The following GBP6 variants were observed in gnomAD, a reference collection of about 807,000 sequenced individuals.
GBP6 encodes guanylate binding protein family member 6.
In GBP6, 54 loss-of-function variants were observed where a neutral mutation model predicts 61.5. The observed-to-expected ratio is 0.88, with a 90% CI of 0.71 to 1.10. GBP6 has a LOEUF of 1.10. GBP6 is among the 50% of genes least tolerant of loss of function. The probability of loss-of-function intolerance (pLI) is 0.00; values close to 1 mark genes in which losing one functional copy is unlikely to be tolerated. For missense variants in GBP6, 748 were observed against 752.8 expected (o/e 0.99, Z 0.07); for synonymous variants, 255 against 273.7 (o/e 0.93, Z 0.67).
Position 89,378,473 on chromosome 1 carries a change from G to A in GBP6, c.485G>A (p.Gly162Glu), listed in dbSNP as rs1652869120. The A allele has an allele frequency of 6.2e-7, 1 of 1,614,162 alleles. No individual in the cohort carries two copies. Among genetic ancestry groups the A allele is most frequent in the Non-Finnish European group, 8.5e-7 (1 of 1,180,006 alleles). The stretch of plus-strand genomic sequence containing the variant: ...GCAAAGTCCTCCCCAAGGCCTGATG[G>A]AGTAGAAGATTCCACAGAGTTTGTG... ...IKAKSSPRPD[G>E]VEDSTEFVSF... is the part of the protein sequence containing the mutation. Residue 162 changes from glycine (G) to glutamate (E), a missense_variant, in exon 5 of 11, where the codon GGA becomes GAA. Physicochemically the swap from Gly to Glu is moderately conservative, Grantham distance 98. Transcript: ENST00000370456.
intron 5 of GBP6, among the ~76,000 whole-genome samples, chr1:89,379,827 A>G (rs1652913287): frequency 6.6e-6 from 1 of 152,258 alleles, no homozygotes; most frequent in Admixed American, 6.5e-5. Flanking sequence ...TTTATAAAGA[A>G]GTGATGATTA....
Position 89,387,582 on chromosome 1 carries a change from T to G in GBP6, c.*2113T>G, listed in dbSNP as rs569133663. On this transcript the variant is annotated 3_prime_UTR_variant, in exon 11 of 11. Coordinates refer to ENST00000370456, the MANE Select transcript of GBP6 (RefSeq NM_198460.3). ...TAAAATATCATGAACTTTCCAGAGA[T>G]CAGTGGTAATAAGTTGTTTGAATTT... is the stretch of plus-strand genomic sequence containing the variant. Among the ~76,000 whole-genome samples, 5 of 152,162 alleles carry G rather than the reference T, an allele frequency of 3.3e-5. No homozygotes were observed. The highest frequency in any genetic ancestry group is 6.5e-5 in the Admixed American group (1 of 15,270).
Position 89,368,722 on chromosome 1 carries a change from T to C in GBP6, c.171T>C (p.His57=). Residue 57 remains histidine (H), a synonymous_variant, in exon 2 of 11, where the codon CAT becomes CAC. Transcript: ENST00000370456. Reference sequence around the variant, plus strand: ...CAGGGAAATCCTACTTGATGAACCATCTGGCAGGACAGAATCATGGTAAGT... The same window carrying C: ...CAGGGAAATCCTACTTGATGAACCACCTGGCAGGACAGAATCATGGTAAGT... The part of the protein sequence containing the change: ...YRTGKSYLMN[H]LAGQNHGFPL... The C allele has an allele frequency of 6.2e-7, 1 of 1,613,404 alleles. No homozygotes were observed. Among genetic ancestry groups the C allele is most frequent in the Non-Finnish European group, 8.5e-7 (1 of 1,179,502 alleles).
intron 6 of GBP6, 73 bp from the exon 7 acceptor site, chr1:89,381,621 C>T (rs902968289): frequency 2.4e-5 from 36 of 1,489,416 alleles, no homozygotes; most frequent in Non-Finnish European, 3.2e-5. Flanking sequence ...CATGTGTGTG[C>T]TCAGAAATGT....
rs546571080 is a variant in GBP6 at position 89,386,996 on chromosome 1, G to C, written c.*1527G>C. ...GACCAGCCATAGGGTTAAATGGGAT[G>C]GGGAGAAAACAATCAAGTGAAGTAA... is the stretch of plus-strand genomic sequence containing the variant. On this transcript the variant is annotated 3_prime_UTR_variant, in exon 11 of 11. Transcript: ENST00000370456. 3.9e-5 allele frequency among the ~76,000 whole-genome samples: 6 copies of C among 152,248 alleles called. No individual in the cohort carries two copies. In the East Asian group the frequency reaches 9.6e-4, roughly 24 times the overall value.
chr1:89,384,145 G>C lies in GBP6; in HGVS notation c.1521G>C (p.Gln507His). ...AAEKEQELLK[Q>H]KLQEQQQQME... Reference sequence around the variant, plus strand: ...AGAAGGAACAGGAACTTTTAAAACAGAAATTACAGGAGCAGCAGCAACAGA... The same window carrying C: ...AGAAGGAACAGGAACTTTTAAAACACAAATTACAGGAGCAGCAGCAACAGA... Residue 507 changes from glutamine to histidine, a missense_variant, in exon 10 of 11, where the codon CAG (glutamine) becomes CAC (histidine). By Grantham distance (24) the Gln-to-His change is conservative. Transcript: ENST00000370456. 6.2e-7 allele frequency: 1 copy of C among 1,614,132 alleles called. No individual in the cohort carries two copies.
At chr1:89,372,983 C>G (rs371650753) in intron 3 of GBP6, among the ~76,000 whole-genome samples, 2 of 152,118 alleles carry the variant, frequency 1.3e-5, no homozygotes, top group South Asian at 2.1e-4. Flanking sequence ...AAACAAACAA[C>G]CCCATCAAAA....
chr1:89,366,530 T>C (rs72967243), intron 1 of GBP6, among the ~76,000 whole-genome samples: 4,381 of 152,228 alleles, frequency 0.029, 234 homozygotes, highest in African/African-American at 0.1. Flanking sequence ...TTTCAGTATA[T>C]GATGATCATT....
intron 7 of GBP6, 114 bp from the exon 8 acceptor site, chr1:89,382,550 C>T: frequency 1.3e-6 from 1 of 775,274 alleles, no homozygotes; most frequent in Non-Finnish European, 2.2e-6. Flanking sequence ...ATCTACTCCA[C>T]TAGAATGTTT....
intron 8 of GBP6, 48 bp from the exon 9 acceptor site, chr1:89,383,604 G>T: frequency 7.5e-7 from 1 of 1,334,776 alleles, no homozygotes; most frequent in South Asian, 1.2e-5. Flanking sequence ...CTAATACCCA[G>T]AACATAGATT....
chr1:89,387,362 G>A lies in GBP6; in HGVS notation c.*1893G>A, dbSNP rs1386843942. On this transcript the variant is annotated 3_prime_UTR_variant, in exon 11 of 11. Coordinates refer to ENST00000370456, the MANE Select transcript of GBP6 (RefSeq NM_198460.3). Reference sequence around the variant, plus strand: ...AATAGGGAATTAGGGCCTCCAGGTTGTAATTATAGTCTTGGCACACATGAA... The same window carrying A: ...AATAGGGAATTAGGGCCTCCAGGTTATAATTATAGTCTTGGCACACATGAA... 6.6e-6 allele frequency among the ~76,000 whole-genome samples: 1 copy of A among 152,174 alleles called. No homozygotes were observed. The highest frequency in any genetic ancestry group is 1.5e-5 in the Non-Finnish European group (1 of 68,028).
rs1442478197 is a variant in GBP6 at position 89,364,128 on chromosome 1, G to A, written c.-24+1G>A. 1 of 152,240 alleles carries A rather than the reference G, an allele frequency of 6.6e-6. No individual in the cohort carries two copies. Among genetic ancestry groups the A allele is most frequent in the Non-Finnish European group, 1.5e-5 (1 of 68,058 alleles). 9.4% of individuals were successfully genotyped at this position (152,240 alleles called of 1,614,324 possible). A position where few individuals can be genotyped will look rare whatever the true frequency, so the allele number is the denominator to read the frequency against. ...TTGGACCTGCGGTGCTATAGAGCAG[G>A]TATGTTCACTTTCTTTTAAATGCAA... On this transcript the variant is annotated splice_donor_variant, in intron 1 of 10. Coordinates refer to ENST00000370456, the MANE Select transcript of GBP6 (RefSeq NM_198460.3). LOFTEE classifies it low-confidence loss of function (5UTR_SPLICE).
At chr1:89,365,940 A>G (rs1652455876) in intron 1 of GBP6, among the ~76,000 whole-genome samples, 1 of 152,204 alleles carries the variant, frequency 6.6e-6, no homozygotes, top group Admixed American at 6.5e-5. Flanking sequence ...TTATGTTTAC[A>G]TTTTTCTAAT....
chr1:89,368,537 A>G lies in GBP6; in HGVS notation c.-15A>G, dbSNP rs1652526987. Reference sequence around the variant, plus strand: ...GTTATTTCTACTGGGAGGCTCTTCTAGGTTGGCAGTTGCCATGGAATCTGG... The same window carrying G: ...GTTATTTCTACTGGGAGGCTCTTCTGGGTTGGCAGTTGCCATGGAATCTGG... On this transcript the variant is annotated 5_prime_UTR_variant, in exon 2 of 11. Transcript: ENST00000370456. 6.2e-7 allele frequency: 1 copy of G among 1,610,864 alleles called. No individual in the cohort carries two copies. The highest frequency in any genetic ancestry group is 1.3e-5 in the African/African-American group (1 of 74,868).
rs1223503314 is a variant in GBP6 at position 89,382,853 on chromosome 1, C to T, written c.1342C>T (p.Gln448Ter). 3 of 1,613,376 alleles carry T rather than the reference C, an allele frequency of 1.9e-6. No homozygotes were observed. The Admixed American group carries it at 5.0e-5, about 27-fold the overall frequency. ...TKERIEQDYWQVPRKGVKAKE... is the reference protein window; with the variant it reads ...TKERIEQDYW ...GGAAAGGATTGAACAGGACTATTGG[C>T]AAGTTCCCAGGAAAGGAGTAAAGGT... Residue 448 changes from glutamine to a stop codon, truncating the protein, a stop_gained, in exon 8 of 11, where the codon CAA (glutamine) becomes TAA (stop). Transcript: ENST00000370456. LOFTEE classifies it high-confidence loss of function.
chr1:89,385,320 A>G lies in GBP6; in HGVS notation c.1753A>G (p.Thr585Ala), dbSNP rs1228536663. The change falls in exon 11 of 11, where the codon ACA (threonine) becomes GCA (alanine). Residue 585 changes from threonine to alanine, a missense_variant. Coordinates refer to ENST00000370456, the MANE Select transcript of GBP6 (RefSeq NM_198460.3). ...ISQFKRMIDT[T>A]KNDDTPWIAR... Reference sequence around the variant, plus strand: ...TCAATTTAAACGTATGATTGATACTACAAAAAATGATGATACTCCCTGGAT... The same window carrying G: ...TCAATTTAAACGTATGATTGATACTGCAAAAAATGATGATACTCCCTGGAT... The G allele has an allele frequency of 1.2e-6, 2 of 1,614,182 alleles. No homozygotes were observed. Among genetic ancestry groups the G allele is most frequent in the Non-Finnish European group, 8.5e-7 (1 of 1,180,002 alleles).
At chr1:89,380,742 G>T in intron 6 of GBP6, 111 bp downstream of exon 6, 2 of 913,800 alleles carry the variant, frequency 2.2e-6, no homozygotes, top group Non-Finnish European at 3.3e-6. Flanking sequence ...CGTGTATACA[G>T]GTATTCACAC....
In GBP6 at chr1:89,386,316, T is replaced by C. The variant is rs1387146002; in HGVS notation, c.*847T>C. On this transcript the variant is annotated 3_prime_UTR_variant, in exon 11 of 11. Coordinates refer to ENST00000370456, the MANE Select transcript of GBP6 (RefSeq NM_198460.3). ...CCTTCTGGGAAGAACCAAGTGAATG[T>C]AGGGGTTGAAGGAACACATACTCTT... 1.3e-5 allele frequency: 2 copies of C among 152,194 alleles called. No homozygotes were observed. The highest frequency in any genetic ancestry group is 2.9e-5 in the Non-Finnish European group (2 of 68,020). 9.4% of individuals were successfully genotyped at this position (152,194 alleles called of 1,614,324 possible). A position where few individuals can be genotyped will look rare whatever the true frequency, so the allele number is the denominator to read the frequency against.
intron 3 of GBP6, among the ~76,000 whole-genome samples, chr1:89,371,229 G>A (rs900192477): frequency 3.3e-5 from 5 of 152,210 alleles, no homozygotes; most frequent in Non-Finnish European, 2.9e-5. Context: ...TCTACCAGAG[G>A]TACAAGGAGG....
Sources: gnomAD v4.1 joint callset for allele counts (sites outside exome capture counted in the v4.1 genomes callset) on GRCh38, gnomAD v4.1.1 for gene constraint, MANE v1.5 for transcripts, NCBI Gene and HGNC (gene_info 2026-07-23, HGNC 2026-07-21) for gene names.